Variants in PREX2 observed in about 807,000 individuals in gnomAD.
PREX2 encodes the protein phosphatidylinositol-3,4,5-trisphosphate dependent Rac exchange factor 2, also known as phosphatidylinositol 3,4,5-trisphosphate-dependent Rac exchanger 2 protein.
PREX2 carries 107 observed loss-of-function variants against 203.2 expected under a neutral mutation model. The observed-to-expected ratio is 0.53, with a 90% confidence interval of 0.45 to 0.62. PREX2 has a LOEUF of 0.62. Ranked by LOEUF, PREX2 falls within the 20% of genes least tolerant of loss-of-function variation. PREX2 has a pLI of 0.00. For missense variants in PREX2, 1,777 were observed against 1,955.9 expected (o/e 0.91, Z 1.72); for synonymous variants, 672 against 663.6 (o/e 1.01, Z -0.19).
At chr8:68,136,967 G>T (rs943398138) in intron 32 of PREX2, among the ~76,000 whole-genome samples, 1 of 151,474 alleles carries the variant, frequency 6.6e-6, no homozygotes, top group Non-Finnish European at 1.5e-5. Context: ...GTGCAGTGGC[G>T]CAATCTCAGC....
At chr8:68,048,588 T>A (rs138267459) in intron 8 of PREX2, among the ~76,000 whole-genome samples, 1,578 of 152,162 alleles carry the variant, frequency 0.01, 13 homozygotes, top group Non-Finnish European at 0.015. Context: ...ACATTTTTTT[T>A]ATAAAATTAA....
At chr8:68,135,097 TTTTGTG>T (rs1229089753) in intron 32 of PREX2, among the ~76,000 whole-genome samples, 1 of 94,568 alleles carries the variant, frequency 1.1e-5, no homozygotes, top group Non-Finnish European at 2.1e-5. Context: ...TAAAAACAAA[TTTTGTG>T]TGTGTGTGTG....
In PREX2 at chr8:68,044,545, A is replaced by T; in HGVS notation, c.898A>T (p.Ile300Phe). The T allele has an allele frequency of 3.1e-6, 5 of 1,613,248 alleles. 1 individual carries two copies. In the South Asian group the frequency reaches 5.5e-5, roughly 18 times the overall value. The stretch of plus-strand genomic sequence containing the variant: ...ACATCGGTACCTTTTTCGTGGCCGG[A>T]TCAACACGGAGGTGATGGAAGTGGA... ...DGHRYLFRGR[I>F]NTEVMEVENV... The change falls in exon 8 of 40, where the codon ATC becomes TTC. Residue 300 changes from isoleucine (I) to phenylalanine (F), a missense_variant. Physicochemically the swap from Ile to Phe is conservative, Grantham distance 21. Coordinates refer to ENST00000288368, the MANE Select transcript of PREX2 (RefSeq NM_024870.4).
intron 39 of PREX2, among the ~76,000 whole-genome samples, chr8:68,227,541 T>C (rs1813077478): frequency 6.6e-6 from 1 of 152,174 alleles, no homozygotes; most frequent in Non-Finnish European, 1.5e-5. Flanking sequence ...GGTGGCACTA[T>C]AGTCCTATGA....
At chr8:68,151,829 C>T (rs1044929964) in intron 34 of PREX2, among the ~76,000 whole-genome samples, 1 of 150,848 alleles carries the variant, frequency 6.6e-6, no homozygotes, top group Non-Finnish European at 1.5e-5. Flanking sequence ...CTAAGTCTTA[C>T]CTCTTGACAA....
At chr8:68,101,113 G>T (rs894377653) in intron 23 of PREX2, among the ~76,000 whole-genome samples, 1 of 152,060 alleles carries the variant, frequency 6.6e-6, no homozygotes, top group East Asian at 1.9e-4. Flanking sequence ...AAAATTTGGT[G>T]CAGCCGTACT....
At chr8:68,143,206 G>A (rs1811260146) in intron 33 of PREX2, among the ~76,000 whole-genome samples, 1 of 152,050 alleles carries the variant, frequency 6.6e-6, no homozygotes, top group Non-Finnish European at 1.5e-5. Context: ...TGGAGATGGG[G>A]CCTGGTGGAG....
intron 1 of PREX2, among the ~76,000 whole-genome samples, chr8:68,011,970 T>A (rs1268475894): frequency 6.6e-6 from 1 of 152,190 alleles, no homozygotes; most frequent in Non-Finnish European, 1.5e-5. Context: ...AACTTTCACC[T>A]TTAATTTTAG....
chr8:68,224,273 C>G (rs1246535099), intron 38 of PREX2, among the ~76,000 whole-genome samples: 1 of 152,112 alleles, frequency 6.6e-6, no homozygotes, highest in Non-Finnish European at 1.5e-5. Context: ...CACGTTGGCC[C>G]CTCAAAGTAC....
intron 8 of PREX2, among the ~76,000 whole-genome samples, chr8:68,047,604 T>C (rs1328210549): frequency 6.6e-6 from 1 of 150,590 alleles, no homozygotes; most frequent in Admixed American, 6.7e-5. Flanking sequence ...CTCATTATCT[T>C]GCCTAGGCTG....
At chr8:68,021,721 C>A (rs1807572731) in intron 3 of PREX2, among the ~76,000 whole-genome samples, 1 of 152,166 alleles carries the variant, frequency 6.6e-6, no homozygotes, top group Non-Finnish European at 1.5e-5. Context: ...TATGTAATTT[C>A]TTCCTCTTTT....
intron 1 of PREX2, among the ~76,000 whole-genome samples, chr8:67,959,022 C>A (rs998169088): frequency 3.3e-5 from 5 of 152,100 alleles, no homozygotes; most frequent in African/African-American, 1.2e-4. Context: ...TTGAAACCAT[C>A]AATTGAGTGA....
chr8:68,089,316 T>A (rs933555356), intron 19 of PREX2, among the ~76,000 whole-genome samples: 2 of 151,928 alleles, frequency 1.3e-5, no homozygotes, highest in African/African-American at 4.8e-5. Context: ...CCTTGATCAG[T>A]TTTTTTTGCT....
intron 34 of PREX2, among the ~76,000 whole-genome samples, chr8:68,148,760 G>A (rs944911146): frequency 7.2e-5 from 11 of 152,216 alleles, no homozygotes; most frequent in African/African-American, 2.4e-4. Context: ...TTCTACAGTT[G>A]AGGTCACAGA....
intron 23 of PREX2, among the ~76,000 whole-genome samples, chr8:68,104,140 C>T (rs1407486368): frequency 6.6e-6 from 1 of 152,186 alleles, no homozygotes; most frequent in African/African-American, 2.4e-5. Flanking sequence ...TCACACCATT[C>T]TTGTGGCTTT....
chr8:68,091,746 C>A (rs1809881420), intron 20 of PREX2, among the ~76,000 whole-genome samples: 1 of 152,200 alleles, frequency 6.6e-6, no homozygotes, highest in African/African-American at 2.4e-5. Flanking sequence ...ATGATCAAAT[C>A]TTTTCTCTTC....
At chr8:68,103,519 A>T in intron 23 of PREX2, 1 of 518,588 alleles carries the variant, frequency 1.9e-6, no homozygotes, top group Admixed American at 1.9e-5. Context: ...CATTAAAAAG[A>T]AATAGCCCTC....
chr8:68,114,241 C>T, intron 25 of PREX2: 2 of 466,690 alleles, frequency 4.3e-6, no homozygotes, highest in South Asian at 3.1e-5. Context: ...AGTGAAATCA[C>T]TTAATAGGTA....
At chr8:68,068,886 T>G in intron 11 of PREX2, 147 bp from the exon 12 acceptor site, 1 of 417,282 alleles carries the variant, frequency 2.4e-6, no homozygotes, top group Non-Finnish European at 4.2e-6. Context: ...AAATACTCAA[T>G]TGGTATTGCT....
Sources: allele counts gnomAD v4.1 joint callset (sites outside exome capture counted in the v4.1 genomes callset), GRCh38; gene constraint gnomAD v4.1.1; transcripts MANE v1.5; gene names NCBI Gene and HGNC (gene_info 2026-07-23, HGNC 2026-07-21).